The following CDYL variants were observed in gnomAD, a reference collection of about 807,000 sequenced individuals.
CDYL encodes chromodomain Y-like protein.
Under a neutral mutation model 47.3 loss-of-function variants are expected in CDYL, and 8 were observed. The observed-to-expected ratio is 0.17, with a 90% confidence interval of 0.10 to 0.31. The LOEUF is 0.31. CDYL is among the 10% of genes least tolerant of loss of function. The probability of loss-of-function intolerance (pLI) is 1.00; values close to 1 mark genes in which losing one functional copy is unlikely to be tolerated. For missense variants in CDYL, 471 were observed against 701.4 expected (o/e 0.67, Z 3.71); for synonymous variants, 266 against 265.0 (o/e 1.00, Z -0.04).
chr6:4,782,613 A>G (rs969356164), intron 1 of CDYL, among the ~76,000 whole-genome samples: 1 of 152,216 alleles, frequency 6.6e-6, no homozygotes, highest in African/African-American at 2.4e-5. Context: ...ATGAGTCTAG[A>G]TATGACTTTA....
intron 2 of CDYL, among the ~76,000 whole-genome samples, chr6:4,928,307 C>A (rs1757939241): frequency 6.6e-6 from 1 of 151,996 alleles, no homozygotes; most frequent in Non-Finnish European, 1.5e-5. Flanking sequence ...TTTCTTAGTA[C>A]AATTTGATGT....
Position 4,754,345 on chromosome 6 carries a change from C to T in CDYL, c.186+19501C>T, listed in dbSNP as rs192063751. ...CACATTTTCAAGTCTCTGAAGTTGG[C>T]CGATTTTCATTTCAGAAGACATATT... On this transcript the variant is annotated intron_variant, in intron 3 of 8. Transcript: ENST00000328908. 5.8e-4 allele frequency among the ~76,000 whole-genome samples: 88 copies of T among 152,252 alleles called. 1 individual carries two copies. The highest frequency in any genetic ancestry group is 5.2e-3 in the Admixed American group (79 of 15,298).
At chr6:4,934,540 A>G (rs554641016) in intron 2 of CDYL, among the ~76,000 whole-genome samples, 2 of 152,322 alleles carry the variant, frequency 1.3e-5, no homozygotes, top group Admixed American at 6.5e-5. Flanking sequence ...AACTTCTGCC[A>G]TTGCTAATGC....
At chr6:4,845,215 C>T (rs1250378662) in intron 1 of CDYL, among the ~76,000 whole-genome samples, 1 of 152,154 alleles carries the variant, frequency 6.6e-6, no homozygotes, top group Non-Finnish European at 1.5e-5. Context: ...TTTCAAAAGA[C>T]AGTTGTTTGT....
intron 2 of CDYL, among the ~76,000 whole-genome samples, chr6:4,893,927 A>G (rs1233189825): frequency 6.6e-6 from 1 of 152,214 alleles, no homozygotes; most frequent in Non-Finnish European, 1.5e-5. Flanking sequence ...ATGAACTGAA[A>G]TCTGGGGTCT....
chr6:4,785,567 A>G (rs1236168825), intron 1 of CDYL, among the ~76,000 whole-genome samples: 2 of 152,198 alleles, frequency 1.3e-5, no homozygotes, highest in East Asian at 1.9e-4. Context: ...AAGGCATCAC[A>G]TAGTTGCACA....
At chr6:4,850,555 C>A (rs1760792997) in intron 1 of CDYL, among the ~76,000 whole-genome samples, 2 of 152,116 alleles carry the variant, frequency 1.3e-5, no homozygotes, top group African/African-American at 2.4e-5. Flanking sequence ...TCATAGAGTT[C>A]TTTTCCTTGT....
chr6:4,904,378 C>T (rs549689176), intron 2 of CDYL, among the ~76,000 whole-genome samples: 75 of 152,322 alleles, frequency 4.9e-4, no homozygotes, highest in South Asian at 1.7e-3. Flanking sequence ...TGGCATCTGC[C>T]AAGGCATCCT....
chr6:4,756,582 G>GTTTGTGTC (rs1758078648), intron 3 of CDYL, among the ~76,000 whole-genome samples: 1 of 135,342 alleles, frequency 7.4e-6, no homozygotes, highest in African/African-American at 2.6e-5. Context: ...TCGTGTGTAT[G>GTTTGTGTC]TGTGTGTGTG....
chr6:4,777,218 C>G (rs985290411), intron 1 of CDYL, among the ~76,000 whole-genome samples: 1 of 151,708 alleles, frequency 6.6e-6, no homozygotes, highest in Non-Finnish European at 1.5e-5. Context: ...GAGGGTTTTG[C>G]CCCTGGTCGG....
chr6:4,793,649 G>A (rs539142290), intron 1 of CDYL, among the ~76,000 whole-genome samples: 1 of 152,284 alleles, frequency 6.6e-6, no homozygotes, highest in African/African-American at 2.4e-5. Flanking sequence ...GAAGGAAGCC[G>A]GGAGACCAAC....
chr6:4,894,859 A>ATG (rs1762153057), intron 2 of CDYL, among the ~76,000 whole-genome samples: 1 of 63,144 alleles, frequency 1.6e-5, no homozygotes, highest in Non-Finnish European at 4.0e-5. Flanking sequence ...GTGTGTGTAT[A>ATG]TGTGTATATA....
chr6:4,832,856 A>C (rs1478461494), intron 1 of CDYL, among the ~76,000 whole-genome samples: 1 of 149,060 alleles, frequency 6.7e-6, no homozygotes, highest in Admixed American at 6.6e-5. Context: ...TTTCTAGTTT[A>C]TTTGCGTAGA....
chr6:4,899,087 G>C (rs1195277823), intron 2 of CDYL, among the ~76,000 whole-genome samples: 1 of 152,146 alleles, frequency 6.6e-6, no homozygotes, highest in African/African-American at 2.4e-5. Context: ...ACCTGGTTTT[G>C]ACAACAGTTT....
intron 2 of CDYL, among the ~76,000 whole-genome samples, chr6:4,903,551 G>A (rs55719729): frequency 0.06 from 9,092 of 152,232 alleles, 896 homozygotes; most frequent in African/African-American, 0.21. Flanking sequence ...AATAATAAAA[G>A]AACCCACACG....
chr6:4,789,366 G>A (rs930988704), intron 1 of CDYL, among the ~76,000 whole-genome samples: 1 of 152,250 alleles, frequency 6.6e-6, no homozygotes, highest in East Asian at 1.9e-4. Context: ...GACCTGCCGC[G>A]CCTGGCTGCT....
chr6:4,886,103 T>C (rs1447218341), intron 1 of CDYL, among the ~76,000 whole-genome samples: 3 of 152,152 alleles, frequency 2.0e-5, no homozygotes, highest in Non-Finnish European at 4.4e-5. Flanking sequence ...CTGAATAATA[T>C]TCTGTAGTAT....
chr6:4,738,145 G>A (rs1405953694), intron 3 of CDYL, among the ~76,000 whole-genome samples: 1 of 152,158 alleles, frequency 6.6e-6, no homozygotes, highest in Non-Finnish European at 1.5e-5. Context: ...GGAGGCCAAG[G>A]CAAATGGATC....
At chr6:4,754,634 T>C (rs1758048063) in intron 3 of CDYL, among the ~76,000 whole-genome samples, 1 of 152,228 alleles carries the variant, frequency 6.6e-6, no homozygotes, top group Non-Finnish European at 1.5e-5. Context: ...CAGCTTTTAT[T>C]CCTATTTGCA....
Sources: allele counts gnomAD v4.1 joint callset (sites outside exome capture counted in the v4.1 genomes callset), GRCh38; gene constraint gnomAD v4.1.1; transcripts MANE v1.5; gene names NCBI Gene and HGNC (gene_info 2026-07-23, HGNC 2026-07-21).